Variants in MALRD1 observed in about 807,000 individuals in gnomAD.
MALRD1 encodes the protein MAM and LDL receptor class A domain containing 1.
MALRD1 carries 247 observed loss-of-function variants against 242.1 expected under a neutral mutation model. The ratio of observed to expected loss-of-function variants is 1.02; its 90% confidence interval spans 0.92 to 1.13. The LOEUF is 1.13. Ranked by LOEUF, MALRD1 falls within the 50% of genes most tolerant of loss-of-function variation. The pLI is 0.00. For synonymous variants in MALRD1, 995 were observed against 866.6 expected, an observed-to-expected ratio of 1.15 and a Z score of -2.60; for missense variants, 2,989 against 2,533.1, an observed-to-expected ratio of 1.18 and a Z score of -3.86.
chr10:19,407,672 T>A (rs1207892214), intron 28 of MALRD1, among the ~76,000 whole-genome samples: 1 of 152,104 alleles, frequency 6.6e-6, no homozygotes, highest in African/African-American at 2.4e-5. Context: ...ACCCAAATGT[T>A]GAGCAAAAGT....
At chr10:19,059,260 A>G (rs540131518) in intron 1 of MALRD1, among the ~76,000 whole-genome samples, 1 of 152,322 alleles carries the variant, frequency 6.6e-6, no homozygotes, top group South Asian at 2.1e-4. Context: ...GTACTTAAAA[A>G]TATAGTATGG....
intron 26 of MALRD1, among the ~76,000 whole-genome samples, chr10:19,382,060 C>T (rs1022350254): frequency 5.9e-5 from 9 of 152,056 alleles, no homozygotes; most frequent in African/African-American, 1.9e-4. Flanking sequence ...AACTTCAAAA[C>T]GTTACTCCAG....
intron 26 of MALRD1, among the ~76,000 whole-genome samples, chr10:19,366,492 G>T (rs1164342650): frequency 1.3e-5 from 2 of 152,232 alleles, no homozygotes; most frequent in Admixed American, 6.6e-5. Flanking sequence ...ACAGGCTATG[G>T]ACTGGTACCA....
chr10:19,412,853 C>T (rs904783487), intron 28 of MALRD1, among the ~76,000 whole-genome samples: 1 of 152,190 alleles, frequency 6.6e-6, no homozygotes, highest in Non-Finnish European at 1.5e-5. Context: ...TTACCTATCA[C>T]TGTTTTCTCT....
chr10:19,552,745 TC>T (rs1432886984), intron 32 of MALRD1, among the ~76,000 whole-genome samples: 1 of 152,174 alleles, frequency 6.6e-6, no homozygotes, highest in Non-Finnish European at 1.5e-5. Context: ...TTTCTTTTTT[TC>T]AGTGTTTGCT....
At chr10:19,109,221 C>T (rs1588557002) in intron 5 of MALRD1, among the ~76,000 whole-genome samples, 1 of 152,080 alleles carries the variant, frequency 6.6e-6, no homozygotes, top group East Asian at 1.9e-4. Context: ...GGATGCTGGG[C>T]TGTTCTGAAT....
chr10:19,551,854 GT>G (rs1835484858), intron 32 of MALRD1, among the ~76,000 whole-genome samples: 1 of 152,030 alleles, frequency 6.6e-6, no homozygotes, highest in Non-Finnish European at 1.5e-5. Context: ...TAATCATGTG[GT>G]TTTTGTCTTT....
At chr10:19,728,217 T>C (rs768119718) in intron 38 of MALRD1, among the ~76,000 whole-genome samples, 14 of 152,310 alleles carry the variant, frequency 9.2e-5, no homozygotes, top group Middle Eastern at 3.4e-3. Flanking sequence ...CTTTCTTCTT[T>C]TATTACAACT....
At chr10:19,188,414 T>C (rs1835829778) in intron 14 of MALRD1, among the ~76,000 whole-genome samples, 1 of 152,194 alleles carries the variant, frequency 6.6e-6, no homozygotes, top group African/African-American at 2.4e-5. Flanking sequence ...GATAATTCTG[T>C]GATTGTATAT....
chr10:19,489,537 C>A, intron 29 of MALRD1: 2 of 578,668 alleles, frequency 3.5e-6, no homozygotes, highest in South Asian at 1.5e-5. Context: ...AGGAGGGAAT[C>A]CCATCTCATC....
chr10:19,436,762 T>G (rs1461775782), intron 28 of MALRD1, among the ~76,000 whole-genome samples: 1 of 152,176 alleles, frequency 6.6e-6, no homozygotes, highest in Admixed American at 6.6e-5. Flanking sequence ...ACTTCAAAAC[T>G]CCTAAATGAT....
intron 18 of MALRD1, among the ~76,000 whole-genome samples, chr10:19,250,605 C>G (rs1359857877): frequency 6.6e-6 from 1 of 151,872 alleles, no homozygotes. Flanking sequence ...CACAAATGTG[C>G]CCCAATTTTG....
intron 36 of MALRD1, among the ~76,000 whole-genome samples, chr10:19,626,817 TAATTA>T (rs1275561954): frequency 6.6e-6 from 1 of 152,166 alleles, no homozygotes; most frequent in Non-Finnish European, 1.5e-5. Context: ...TTACATTGGC[TAATTA>T]AATCTAGTTA....
intron 38 of MALRD1, among the ~76,000 whole-genome samples, chr10:19,696,203 C>A (rs1347801887): frequency 6.6e-6 from 1 of 152,162 alleles, no homozygotes; most frequent in Non-Finnish European, 1.5e-5. Context: ...TCAACAGTGC[C>A]ACTAAGGGTC....
chr10:19,636,908 A>AAAAAAAAG (rs1840158980), intron 36 of MALRD1, among the ~76,000 whole-genome samples: 1 of 151,882 alleles, frequency 6.6e-6, no homozygotes, highest in African/African-American at 2.4e-5. Flanking sequence ...CAAAAAAAAA[A>AAAAAAAAG]AAAAACGCAG....
chr10:19,290,278 C>T (rs1841346184), intron 21 of MALRD1: 1 of 151,730 alleles, frequency 6.6e-6, no homozygotes. Context: ...TAACACCATT[C>T]CATACAGCTA....
chr10:19,696,624 G>C (rs571859193), intron 38 of MALRD1, among the ~76,000 whole-genome samples: 1 of 152,116 alleles, frequency 6.6e-6, no homozygotes, highest in East Asian at 1.9e-4. Flanking sequence ...AGACTATCTT[G>C]GTCCAGGCAC....
At chr10:19,445,826 G>GC (rs1280717596) in intron 28 of MALRD1, among the ~76,000 whole-genome samples, 8 of 152,216 alleles carry the variant, frequency 5.3e-5, no homozygotes, top group South Asian at 2.1e-4. Flanking sequence ...CTTCAAAGCT[G>GC]TCAGACAGGG....
At chr10:19,688,564 A>G (rs192662492) in intron 36 of MALRD1, among the ~76,000 whole-genome samples, 11 of 152,236 alleles carry the variant, frequency 7.2e-5, no homozygotes, top group Admixed American at 6.5e-4. Context: ...CCCAGCCCTA[A>G]TGATTCTTAA....
Sources: gnomAD v4.1 joint callset for allele counts (sites outside exome capture counted in the v4.1 genomes callset) on GRCh38, gnomAD v4.1.1 for gene constraint, MANE v1.5 for transcripts, NCBI Gene and HGNC (gene_info 2026-07-23, HGNC 2026-07-21) for gene names.